The following TEX15 variants were observed in gnomAD, a reference collection of about 807,000 sequenced individuals.
The protein encoded by TEX15 is testis expressed 15, meiosis and synapsis associated, also known as testis-expressed protein 15.
In TEX15, 171 loss-of-function variants were observed where a neutral mutation model predicts 237.3. The observed-to-expected ratio is 0.72, with a 90% CI of 0.64 to 0.82. The LOEUF is 0.82. TEX15 is among the 40% of genes least tolerant of loss of function. TEX15 has a pLI of 0.00. For missense variants in TEX15, 3,750 were observed against 3,646.5 expected (o/e 1.03, Z -0.73); for synonymous variants, 1,338 against 1,269.8 (o/e 1.05, Z -1.14).
intron 9 of TEX15, among the ~76,000 whole-genome samples, chr8:30,838,691 TATATATACACACACACACACACACAC>T (rs1330068806): frequency 3.5e-4 from 6 of 17,116 alleles, no homozygotes; most frequent in Admixed American, 8.2e-4. Flanking sequence ...GAGGTAATTA[TATATATACACACACACACACACACAC>T]ATATATACAC....
chr8:30,838,238 T>C (rs1383111749), intron 9 of TEX15, among the ~76,000 whole-genome samples, 177 bp from the exon 10 acceptor site: 4 of 152,148 alleles, frequency 2.6e-5, no homozygotes, highest in African/African-American at 9.7e-5. Flanking sequence ...GTGGTTTGGA[T>C]TTAGATACTT....
In TEX15 at chr8:30,836,887, A is replaced by G. The variant is rs751672293; in HGVS notation, c.9397T>C (p.Tyr3133His). Residue 3133 changes from tyrosine (Y) to histidine (H), a missense_variant, in exon 10 of 11, where the codon TAT becomes CAT. Physicochemically the swap from Tyr to His is moderately conservative, Grantham distance 83. Coordinates refer to ENST00000643185, the MANE Select transcript of TEX15 (RefSeq NM_001350162.2). ...TGTGGTAATGGCTGATGAGAAGCAT[A>G]TTGTGAAAAAATTGGCTGCCGAAAA... ...SNFRQPIFSQ[Y>H]ASHQPLPQAT... 4 of 1,614,180 alleles carry G rather than the reference A, an allele frequency of 2.5e-6. No individual in the cohort carries two copies. The highest frequency in any genetic ancestry group is 2.5e-6 in the Non-Finnish European group (3 of 1,180,014).
chr8:30,883,335 A>C (rs1444412721), intron 3 of TEX15, among the ~76,000 whole-genome samples: 2 of 152,070 alleles, frequency 1.3e-5, no homozygotes, highest in African/African-American at 4.8e-5. Context: ...TATCCAGGAG[A>C]TAACGATTCC....
At chr8:30,881,615 T>TTTTTTTTTTTG (rs1808524676) in intron 3 of TEX15, among the ~76,000 whole-genome samples, 1 of 128,746 alleles carries the variant, frequency 7.8e-6, no homozygotes, top group African/African-American at 3.9e-5. Flanking sequence ...CTTGACTTTT[T>TTTTTTTTTTTG]ATTTTTTTTT....
Position 30,858,798 on chromosome 8 carries a change from C to G in TEX15, c.720G>C (p.Lys240Asn), listed in dbSNP as rs1285351511. The G allele has an allele frequency of 2.6e-6, 4 of 1,534,818 alleles. No individual in the cohort carries two copies. Among genetic ancestry groups the G allele is most frequent in the Non-Finnish European group, 3.5e-6 (4 of 1,146,444 alleles). ...GACATTGCCTAGGTTTATCTACAGG[C>G]TTTGAAAGGACACTGTATTCATAGA... ...VYFYEYSVLS[K>N]PVDKPRQCLP... The change falls in exon 7 of 11, where the codon AAG becomes AAC. Residue 240 changes from lysine to asparagine, a missense_variant. Coordinates refer to ENST00000643185, the MANE Select transcript of TEX15 (RefSeq NM_001350162.2).
intron 3 of TEX15, among the ~76,000 whole-genome samples, chr8:30,875,489 T>C (rs936505975): frequency 3.9e-5 from 6 of 152,088 alleles, no homozygotes; most frequent in African/African-American, 1.2e-4. Context: ...CATTAGAAAA[T>C]GATTGGGTTA....
In TEX15 at chr8:30,886,622, G is replaced by T. The variant is rs1258064942; in HGVS notation, c.136+545C>A. Among the ~76,000 whole-genome samples the T allele has an allele frequency of 3.9e-5, 6 of 152,330 alleles. No homozygotes were observed. The East Asian group carries it at 1.2e-3, about 29-fold the overall frequency. On this transcript the variant is annotated intron_variant, in intron 3 of 10. Transcript: ENST00000643185. Reference sequence around the variant, plus strand: ...GGGGTACCTTGTTCCTGCTGGGTAGGGGGTCAGAGTCCAGGATCCCCACTC... The same window carrying T: ...GGGGTACCTTGTTCCTGCTGGGTAGTGGGTCAGAGTCCAGGATCCCCACTC...
intron 3 of TEX15, among the ~76,000 whole-genome samples, chr8:30,885,758 G>A (rs1478788540): frequency 2.0e-5 from 3 of 152,138 alleles, no homozygotes; most frequent in Non-Finnish European, 4.4e-5. Context: ...GTTCAACTAT[G>A]TCCTTAGTGA....
In TEX15 at chr8:30,842,444, T is replaced by C. The variant is rs748003623; in HGVS notation, c.7723A>G (p.Ile2575Val). 6 of 1,613,520 alleles carry C rather than the reference T, an allele frequency of 3.7e-6. No homozygotes were observed. Among genetic ancestry groups the C allele is most frequent in the Admixed American group, 1.7e-5 (1 of 59,952 alleles). The change falls in exon 8 of 11, where the codon ATA becomes GTA. Residue 2575 changes from isoleucine to valine, a missense_variant. Transcript: ENST00000643185. ...TCTGTCACAGTGCTTCCATAATTTA[T>C]GGATGCTATATATGGCACAAAGTCA... is the stretch of plus-strand genomic sequence containing the variant. Reference protein sequence around the residue: ...YIDFVPYIASINYGSTVTELE... With the variant: ...YIDFVPYIASVNYGSTVTELE...
At chr8:30,852,340 G>A (rs1337233273) in intron 7 of TEX15, among the ~76,000 whole-genome samples, 4 of 151,774 alleles carry the variant, frequency 2.6e-5, no homozygotes, top group South Asian at 2.1e-4. Flanking sequence ...TGATCCGCCC[G>A]CCTTGGCCTC....
rs140197848 is a variant in TEX15 at position 30,842,042 on chromosome 8, G to T, written c.8125C>A (p.Gln2709Lys). ...VDKCEDSQEQ[Q>K]QDTTVSSCKK... ...CAACTGGAAACAGTAGTATCTTGCT[G>T]TTGTTCCTGAGAGTCTTCACATTTG... Residue 2709 changes from glutamine to lysine, a missense_variant, in exon 8 of 11, where the codon CAG (glutamine) becomes AAG (lysine). Gln to Lys is a moderately conservative substitution (Grantham distance 53). Transcript: ENST00000643185. The T allele has an allele frequency of 2.9e-4, 458 of 1,606,030 alleles. No homozygotes were observed. Among genetic ancestry groups the T allele is most frequent in the Middle Eastern group, 1.3e-3 (8 of 6,000 alleles).
chr8:30,906,896 CATTTTCT>C (rs964740945), intron 1 of TEX15, among the ~76,000 whole-genome samples: 1 of 152,046 alleles, frequency 6.6e-6, no homozygotes, highest in East Asian at 1.9e-4. Context: ...CAAAAAATTG[CATTTTCT>C]AGAGAGAAAA....
At chr8:30,851,130 A>G (rs1243157155) in intron 7 of TEX15, among the ~76,000 whole-genome samples, 3 of 152,238 alleles carry the variant, frequency 2.0e-5, no homozygotes, top group African/African-American at 7.2e-5. Context: ...TACTACTCTG[A>G]TAAACTTGTA....
intron 2 of TEX15, chr8:30,888,684 G>A: frequency 1.6e-6 from 2 of 1,283,456 alleles, no homozygotes; most frequent in Non-Finnish European, 2.0e-6. Flanking sequence ...CAACTGCTTA[G>A]TTCCAACATT....
chr8:30,854,138 T>TA (rs768991724), intron 7 of TEX15, among the ~76,000 whole-genome samples: 1 of 135,030 alleles, frequency 7.4e-6, no homozygotes, highest in African/African-American at 2.8e-5. Context: ...CAGAAAAAAA[T>TA]AAAGAGAGGA....
In TEX15 at chr8:30,831,702, CA is replaced by C. The variant is rs1807183012; in HGVS notation, c.*1583del. The C allele has an allele frequency of 6.6e-6, 1 of 152,080 alleles. No homozygotes were observed. Among genetic ancestry groups the C allele is most frequent in the Non-Finnish European group, 1.5e-5 (1 of 67,998 alleles). The allele number at this position is 152,080 out of a possible 1,614,324, so 9.4% of individuals were successfully genotyped here. A position where few individuals can be genotyped will look rare whatever the true frequency, so the allele number is the denominator to read the frequency against. On this transcript the variant is annotated 3_prime_UTR_variant, in exon 11 of 11. Transcript: ENST00000643185. The stretch of plus-strand genomic sequence containing the variant: ...AGAATCTGAAAGTTGTTTAAAGAAA[CA>C]ATCCTTAACTAGAATATTTAACTTT...
chr8:30,911,547 A>G (rs1410336642), intron 1 of TEX15, among the ~76,000 whole-genome samples: 2 of 152,206 alleles, frequency 1.3e-5, no homozygotes, highest in African/African-American at 4.8e-5. Flanking sequence ...TATCACTTCT[A>G]CTTCATACTT....
intron 2 of TEX15, among the ~76,000 whole-genome samples, chr8:30,895,637 T>A (rs1321180797): frequency 6.7e-6 from 1 of 149,736 alleles, no homozygotes; most frequent in African/African-American, 2.5e-5. Flanking sequence ...ATGTATAGGT[T>A]ATTCAAGGGT....
chr8:30,844,539 C>G lies in TEX15; in HGVS notation c.5628G>C (p.Lys1876Asn), dbSNP rs137902865. Residue 1876 changes from lysine (K) to asparagine (N), a missense_variant, in exon 8 of 11, where the codon AAG becomes AAC. Transcript: ENST00000643185. Reference sequence around the variant, plus strand: ...AGCAGGATTCTTCTGAGATCTGATTCTTTTGATTTTTGTACTCAGTATTAA... The same window carrying G: ...AGCAGGATTCTTCTGAGATCTGATTGTTTTGATTTTTGTACTCAGTATTAA... The part of the protein sequence containing the change: ...STVNTEYKNQ[K>N]NQISEESCLN... 1.9e-5 allele frequency: 31 copies of G among 1,612,216 alleles called. No homozygotes were observed. Among genetic ancestry groups the G allele is most frequent in the African/African-American group, 2.7e-5 (2 of 74,800 alleles).
Sources: gnomAD v4.1 joint callset for allele counts (sites outside exome capture counted in the v4.1 genomes callset) on GRCh38, gnomAD v4.1.1 for gene constraint, MANE v1.5 for transcripts, NCBI Gene and HGNC (gene_info 2026-07-23, HGNC 2026-07-21) for gene names.